RELN: variants seen among roughly 807,000 people sequenced by gnomAD.
The protein encoded by RELN is reelin.
Under a neutral mutation model 427.6 loss-of-function variants are expected in RELN, and 108 were observed. That is an observed-to-expected ratio of 0.25 (90% confidence interval 0.22 to 0.30). The LOEUF (loss-of-function observed/expected upper bound fraction) is 0.30. Ranked by LOEUF, RELN falls within the 10% of genes least tolerant of loss-of-function variation. RELN has a pLI of 1.00. For synonymous variants in RELN, 1,524 were observed against 1,513.4 expected (o/e 1.01, Z -0.16); for missense variants, 3,715 against 4,302.8 (o/e 0.86, Z 3.82).
rs111252622 is a variant in RELN, at chr7:103,845,173, T to C, written c.338-11501A>G. On this transcript the variant is annotated intron_variant, in intron 2 of 64. Transcript: ENST00000428762. ...TTTTTTTTTTTTGCTAAAATTAATG[T>C]TCCCATGGTCTTCACTCTCATCCTC... Among the ~76,000 whole-genome samples the C allele has an allele frequency of 1.6e-3, 249 of 152,056 alleles. 1 individual carries two copies. Among genetic ancestry groups the C allele is most frequent in the African/African-American group, 5.8e-3 (241 of 41,464 alleles).
intron 4 of RELN, among the ~76,000 whole-genome samples, chr7:103,775,965 G>A (rs764362352): frequency 5.3e-5 from 8 of 152,286 alleles, no homozygotes; most frequent in Admixed American, 1.3e-4. Context: ...CAAGGGATAG[G>A]GGGAACAAAT....
intron 1 of RELN, among the ~76,000 whole-genome samples, chr7:103,943,402 T>C (rs1796155028): frequency 6.6e-6 from 1 of 152,168 alleles, no homozygotes; most frequent in African/African-American, 2.4e-5. Context: ...AGCCATGATG[T>C]TCAGTGGCAT....
chr7:103,911,389 C>T (rs1795362126), intron 2 of RELN, among the ~76,000 whole-genome samples: 1 of 145,118 alleles, frequency 6.9e-6, no homozygotes, highest in Admixed American at 6.9e-5. Context: ...AATAGGAACA[C>T]TTTTACACTG....
chr7:103,654,234 A>AGTTG, intron 12 of RELN, 29 bp from the exon 13 acceptor site: 10 of 1,105,156 alleles, frequency 9.0e-6, no homozygotes, highest in African/African-American at 1.5e-5. Context: ...TTAAGTTGCT[A>AGTTG]GTACCAACTA....
At chr7:103,982,120 G>A (rs1797002881) in intron 1 of RELN, among the ~76,000 whole-genome samples, 2 of 151,932 alleles carry the variant, frequency 1.3e-5, no homozygotes, top group Admixed American at 1.3e-4. Flanking sequence ...GAGCCGAAAA[G>A]GTGTCACTGC....
chr7:103,908,612 T>C (rs186518958), intron 2 of RELN, among the ~76,000 whole-genome samples: 19 of 152,344 alleles, frequency 1.2e-4, no homozygotes, highest in Admixed American at 9.2e-4. Context: ...TAACAATTTA[T>C]TGGTTAATTA....
At chr7:103,776,142 C>A (rs575342136) in intron 4 of RELN, among the ~76,000 whole-genome samples, 3 of 152,164 alleles carry the variant, frequency 2.0e-5, no homozygotes, top group African/African-American at 7.2e-5. Context: ...ACAGTTGAAA[C>A]AGGCCCATAG....
At chr7:103,766,814 G>T (rs1263164384) in intron 4 of RELN, among the ~76,000 whole-genome samples, 1 of 152,232 alleles carries the variant, frequency 6.6e-6, no homozygotes, top group African/African-American at 2.4e-5. Flanking sequence ...AAACTGCTGA[G>T]CCTGGCAGAA....
At chr7:103,744,376 A>T (rs1299312290) in intron 6 of RELN, among the ~76,000 whole-genome samples, 1 of 152,062 alleles carries the variant, frequency 6.6e-6, no homozygotes, top group Non-Finnish European at 1.5e-5. Flanking sequence ...GAGCAAACAC[A>T]TTCAAAAGCT....
intron 1 of RELN, among the ~76,000 whole-genome samples, chr7:103,929,842 T>A (rs1488855335): frequency 6.6e-6 from 1 of 152,236 alleles, no homozygotes; most frequent in Non-Finnish European, 1.5e-5. Flanking sequence ...AGCATTTGAC[T>A]TCAACGCATC....
chr7:103,815,985 A>G (rs950717241), intron 3 of RELN, among the ~76,000 whole-genome samples: 1 of 152,204 alleles, frequency 6.6e-6, no homozygotes, highest in Non-Finnish European at 1.5e-5. Flanking sequence ...TTATACGTCA[A>G]GTCCTCTAAA....
intron 6 of RELN, among the ~76,000 whole-genome samples, chr7:103,742,277 A>C (rs1402698127): frequency 6.6e-6 from 1 of 152,180 alleles, no homozygotes; most frequent in Non-Finnish European, 1.5e-5. Context: ...CGTCACCATC[A>C]TCAAAGACCA....
intron 16 of RELN, among the ~76,000 whole-genome samples, chr7:103,649,531 T>C (rs1326813708): frequency 6.6e-6 from 1 of 151,956 alleles, no homozygotes; most frequent in Non-Finnish European, 1.5e-5. Context: ...ATGCAATATA[T>C]TCATATACAA....
At chr7:103,632,240 G>A (rs932360660) in intron 19 of RELN, among the ~76,000 whole-genome samples, 3 of 152,174 alleles carry the variant, frequency 2.0e-5, no homozygotes, top group African/African-American at 2.4e-5. Context: ...TGGCTTCTAT[G>A]TGTCTCAGCA....
chr7:103,841,333 T>A (rs976751718), intron 2 of RELN, among the ~76,000 whole-genome samples: 4 of 152,220 alleles, frequency 2.6e-5, no homozygotes, highest in Non-Finnish European at 5.9e-5. Flanking sequence ...GTATGGATGT[T>A]TTAAAATCAT....
chr7:103,777,318 G>T (rs555077658), intron 3 of RELN, among the ~76,000 whole-genome samples: 1 of 152,138 alleles, frequency 6.6e-6, no homozygotes, highest in South Asian at 2.1e-4. Context: ...TATATGAAGG[G>T]TTTTCCCTTA....
chr7:103,872,784 T>C (rs1794379875), intron 2 of RELN, among the ~76,000 whole-genome samples: 1 of 149,348 alleles, frequency 6.7e-6, no homozygotes, highest in South Asian at 2.3e-4. Context: ...TATCTCATAG[T>C]GGTTTTGATT....
intron 3 of RELN, among the ~76,000 whole-genome samples, chr7:103,799,420 T>C (rs1020691290): frequency 1.3e-5 from 2 of 152,200 alleles, no homozygotes; most frequent in Admixed American, 6.5e-5. Context: ...CTGTAATTCA[T>C]GTTACTCTCT....
chr7:103,743,161 T>C (rs1046289207), intron 6 of RELN, among the ~76,000 whole-genome samples: 29 of 151,844 alleles, frequency 1.9e-4, no homozygotes, highest in Non-Finnish European at 2.1e-4. Context: ...CCAGCCAAAC[T>C]AAGCTTCATA....
Sources: gnomAD v4.1 joint callset for allele counts (sites outside exome capture counted in the v4.1 genomes callset) on GRCh38, gnomAD v4.1.1 for gene constraint, MANE v1.5 for transcripts, NCBI Gene and HGNC (gene_info 2026-07-23, HGNC 2026-07-21) for gene names.